Variants in PTPRD observed in about 807,000 individuals in gnomAD.
PTPRD encodes the protein receptor-type tyrosine-protein phosphatase delta.
In PTPRD, 34 loss-of-function variants were observed where a neutral mutation model predicts 214.5. The ratio of observed to expected loss-of-function variants is 0.16; its 90% confidence interval spans 0.12 to 0.21. The LOEUF (loss-of-function observed/expected upper bound fraction) is 0.21, where lower values mean the gene tolerates loss of function less well. PTPRD is among the 10% of genes least tolerant of loss of function. PTPRD has a pLI of 1.00. For synonymous variants in PTPRD, 1,128 were observed against 845.7 expected, an observed-to-expected ratio of 1.33 and a Z score of -5.79; for missense variants, 2,545 against 2,398.7, an observed-to-expected ratio of 1.06 and a Z score of -1.27.
chr9:8,553,383 T>C (rs901698893), intron 14 of PTPRD, among the ~76,000 whole-genome samples: 1 of 152,174 alleles, frequency 6.6e-6, no homozygotes, highest in African/African-American at 2.4e-5. Flanking sequence ...CTGAGTCCCC[T>C]GGCGTGGCGT....
intron 5 of PTPRD, among the ~76,000 whole-genome samples, chr9:9,845,597 G>A (rs562638039): frequency 2.6e-5 from 4 of 152,050 alleles, no homozygotes; most frequent in East Asian, 1.9e-4. Context: ...CCTTCAGTTA[G>A]TGGTGATATT....
At chr9:9,456,114 G>A (rs1241721677) in intron 8 of PTPRD, among the ~76,000 whole-genome samples, 3 of 151,780 alleles carry the variant, frequency 2.0e-5, no homozygotes, top group African/African-American at 4.8e-5. Context: ...GGTAGAATAC[G>A]TTTATTTCCA....
At chr9:10,423,360 C>T (rs1053247183) in intron 2 of PTPRD, among the ~76,000 whole-genome samples, 1 of 151,850 alleles carries the variant, frequency 6.6e-6, no homozygotes, top group Non-Finnish European at 1.5e-5. Context: ...ATGTAAACGA[C>T]AGGTTAATGT....
chr9:10,239,863 C>T (rs1048246897), intron 3 of PTPRD, among the ~76,000 whole-genome samples: 3 of 151,900 alleles, frequency 2.0e-5, no homozygotes, highest in African/African-American at 7.2e-5. Context: ...GTAAGCCATA[C>T]AATCTCTTTT....
intron 5 of PTPRD, among the ~76,000 whole-genome samples, chr9:9,822,486 A>G (rs1007178193): frequency 2.0e-5 from 3 of 148,148 alleles, no homozygotes; most frequent in African/African-American, 7.4e-5. Flanking sequence ...CATAATATAT[A>G]CAGAACATAT....
intron 14 of PTPRD, among the ~76,000 whole-genome samples, chr9:8,571,471 C>T (rs1473897754): frequency 6.6e-6 from 1 of 152,084 alleles, no homozygotes; most frequent in Admixed American, 6.5e-5. Flanking sequence ...CAAAATCATC[C>T]ATGACAATTT....
At chr9:8,802,467 G>C (rs1026822477) in intron 11 of PTPRD, among the ~76,000 whole-genome samples, 4 of 152,162 alleles carry the variant, frequency 2.6e-5, no homozygotes, top group African/African-American at 9.7e-5. Context: ...TAAAGGCAAA[G>C]AAAGGAATCA....
chr9:8,469,743 C>G (rs373617670), intron 31 of PTPRD, among the ~76,000 whole-genome samples: 22 of 151,962 alleles, frequency 1.4e-4, no homozygotes, highest in Admixed American at 6.6e-4. Context: ...TTACACAGCT[C>G]CAATGATCAT....
chr9:10,345,316 G>GTA (rs1313595346), intron 2 of PTPRD, among the ~76,000 whole-genome samples: 2 of 151,520 alleles, frequency 1.3e-5, no homozygotes, highest in Admixed American at 6.6e-5. Flanking sequence ...TGGGATATAT[G>GTA]GCAGGTTTGT....
chr9:9,458,194 A>AG (rs2093276189), intron 8 of PTPRD, among the ~76,000 whole-genome samples: 1 of 152,062 alleles, frequency 6.6e-6, no homozygotes, highest in Non-Finnish European at 1.5e-5. Context: ...AGGTACGATT[A>AG]GTGGTAAAGT....
intron 10 of PTPRD, among the ~76,000 whole-genome samples, chr9:9,131,604 A>G (rs561282256): frequency 6.6e-6 from 1 of 152,346 alleles, no homozygotes; most frequent in Admixed American, 6.5e-5. Context: ...AGAAGTACAC[A>G]TAGTAATAGT....
At chr9:9,878,346 G>A (rs1234629560) in intron 5 of PTPRD, among the ~76,000 whole-genome samples, 1 of 152,120 alleles carries the variant, frequency 6.6e-6, no homozygotes, top group Non-Finnish European at 1.5e-5. Flanking sequence ...GGAAGTGTGA[G>A]TGGACCTAGG....
intron 5 of PTPRD, among the ~76,000 whole-genome samples, chr9:9,895,978 G>T (rs1168951866): frequency 6.6e-6 from 1 of 152,098 alleles, no homozygotes; most frequent in Non-Finnish European, 1.5e-5. Context: ...GAGCATGAAT[G>T]ATGGGTAGCT....
chr9:9,762,290 A>G (rs543541456), intron 6 of PTPRD, among the ~76,000 whole-genome samples: 1 of 152,352 alleles, frequency 6.6e-6, no homozygotes, highest in East Asian at 1.9e-4. Flanking sequence ...TTGTCCCTTC[A>G]GTAAAAACTG....
chr9:8,489,733 G>T (rs1328356667), intron 27 of PTPRD, among the ~76,000 whole-genome samples: 1 of 152,200 alleles, frequency 6.6e-6, no homozygotes. Flanking sequence ...AAAGGGAAAA[G>T]GAATGAGGAG....
chr9:8,340,259 A>G, intron 42 of PTPRD, 84 bp downstream of exon 42: 1 of 1,420,822 alleles, frequency 7.0e-7, no homozygotes, highest in Non-Finnish European at 9.4e-7. Flanking sequence ...AAAATGATCT[A>G]GCACAAGAGT....
chr9:10,165,998 C>T (rs1277428017), intron 3 of PTPRD, among the ~76,000 whole-genome samples: 1 of 149,212 alleles, frequency 6.7e-6, no homozygotes, highest in African/African-American at 2.4e-5. Context: ...TATTAAAATA[C>T]AAAAGTATTT....
At chr9:9,332,755 T>G (rs991019412) in intron 9 of PTPRD, among the ~76,000 whole-genome samples, 3 of 141,154 alleles carry the variant, frequency 2.1e-5, no homozygotes, top group Non-Finnish European at 4.7e-5. Flanking sequence ...CAGAGGAGGG[T>G]TTTTTTTTTG....
At chr9:10,331,547 G>T (rs186576945) in intron 3 of PTPRD, among the ~76,000 whole-genome samples, 18 of 151,784 alleles carry the variant, frequency 1.2e-4, no homozygotes, top group African/African-American at 2.7e-4. Flanking sequence ...TAAAGAATTT[G>T]GTGCTGAAAG....
Sources: gnomAD v4.1 joint callset for allele counts (sites outside exome capture counted in the v4.1 genomes callset) on GRCh38, gnomAD v4.1.1 for gene constraint, MANE v1.5 for transcripts, NCBI Gene and HGNC (gene_info 2026-07-23, HGNC 2026-07-21) for gene names.